The following SOX6 variants were observed in gnomAD, a reference collection of about 807,000 sequenced individuals.
SOX6 encodes transcription factor SOX-6.
Under a neutral mutation model 97.8 loss-of-function variants are expected in SOX6, and 11 were observed. The observed-to-expected ratio is 0.11, with a 90% CI of 0.07 to 0.19. SOX6 has a LOEUF of 0.19. SOX6 is among the 10% of genes least tolerant of loss of function. The pLI, the probability that SOX6 is intolerant of heterozygous loss-of-function variation, is 1.00. For missense variants in SOX6, 810 were observed against 1,039.5 expected (o/e 0.78, Z 3.04); for synonymous variants, 360 against 371.4 (o/e 0.97, Z 0.35).
At chr11:16,362,791 GTCTAC>G (rs1857242649) in intron 1 of SOX6, among the ~76,000 whole-genome samples, 1 of 152,092 alleles carries the variant, frequency 6.6e-6, no homozygotes, top group Non-Finnish European at 1.5e-5. Context: ...CAATAAGCAC[GTCTAC>G]TCTTTCTCAG....
chr11:16,533,925 T>C (rs1861272722), intron 4 of SOX6, among the ~76,000 whole-genome samples: 1 of 152,142 alleles, frequency 6.6e-6, no homozygotes. Flanking sequence ...TAACACTACA[T>C]CTGTTGAGCA....
At chr11:16,495,985 G>C (rs1212528885) in intron 4 of SOX6, among the ~76,000 whole-genome samples, 1 of 152,126 alleles carries the variant, frequency 6.6e-6, no homozygotes, top group African/African-American at 2.4e-5. Context: ...ACTGTTTACA[G>C]CCAAAGAAAT....
chr11:16,034,983 A>G (rs1855480016), intron 12 of SOX6, among the ~76,000 whole-genome samples: 1 of 152,224 alleles, frequency 6.6e-6, no homozygotes, highest in South Asian at 2.1e-4. Flanking sequence ...ATGGAAAAAC[A>G]GGCAAAATAA....
chr11:16,331,143 AG>A (rs746390130), intron 2 of SOX6, among the ~76,000 whole-genome samples: 16 of 152,108 alleles, frequency 1.1e-4, no homozygotes, highest in South Asian at 2.1e-4. Flanking sequence ...CCTCCTCTGC[AG>A]TTGTTTTCTT....
intron 6 of SOX6, among the ~76,000 whole-genome samples, chr11:16,130,891 G>T (rs1849723971): frequency 6.6e-6 from 1 of 151,816 alleles, no homozygotes; most frequent in Non-Finnish European, 1.5e-5. Context: ...CTTTAAAATA[G>T]GCTTTGCTAT....
In SOX6 at chr11:16,002,770, G is replaced by A. The variant is rs151051425; in HGVS notation, c.1732+12172C>T. On this transcript the variant is annotated intron_variant, in intron 13 of 15. Transcript: ENST00000683767. The stretch of plus-strand genomic sequence containing the variant: ...AAAAAGCTGGTAGACTGAATAATTC[G>A]TGTTATTCAGCAGCTTTTGGCTTTA... Among the ~76,000 whole-genome samples, 892 of 152,252 alleles carry A rather than the reference G, an allele frequency of 5.9e-3. 6 individuals are homozygous for A. The highest frequency in any genetic ancestry group is 0.013 in the South Asian group (61 of 4,828).
chr11:16,588,133 T>A (rs957625150), intron 4 of SOX6, among the ~76,000 whole-genome samples: 1 of 152,218 alleles, frequency 6.6e-6, no homozygotes, highest in South Asian at 2.1e-4. Context: ...CATGAATTCA[T>A]ATATTAAATT....
chr11:16,460,859 T>C (rs558178846), intron 1 of SOX6, among the ~76,000 whole-genome samples: 1 of 152,268 alleles, frequency 6.6e-6, no homozygotes, highest in South Asian at 2.1e-4. Flanking sequence ...CTCATACTCA[T>C]GGTAGCTAAG....
At position 16,632,370 on chromosome 11, in the gene SOX6, T is replaced by A. The variant is rs764731316; in HGVS notation, n.430-20110A>T. Among the ~76,000 whole-genome samples the A allele has an allele frequency of 2.6e-5, 4 of 152,238 alleles. No individual in the cohort carries two copies. The South Asian group carries it at 8.3e-4, about 32-fold the overall frequency. On this transcript the variant is annotated intron_variant and non_coding_transcript_variant, in intron 3 of 5. Transcript: ENST00000524520. ...CAGGTTTTGTATTGGACTGTGCAGTTTGACCTACAAGCCAGTAGATGGCAC... is the reference window on the plus strand; with the variant it reads ...CAGGTTTTGTATTGGACTGTGCAGTATGACCTACAAGCCAGTAGATGGCAC...
chr11:16,504,785 A>T (rs1277584681), intron 4 of SOX6, among the ~76,000 whole-genome samples: 1 of 151,630 alleles, frequency 6.6e-6, no homozygotes, highest in Non-Finnish European at 1.5e-5. Flanking sequence ...TTCTTGTAAT[A>T]GAGTTCTCCC....
intron 4 of SOX6, among the ~76,000 whole-genome samples, chr11:16,203,882 A>G (rs1028410351): frequency 5.9e-5 from 9 of 152,160 alleles, no homozygotes; most frequent in African/African-American, 2.2e-4. Flanking sequence ...CTCTACCAAG[A>G]TAAAAATACA....
At chr11:15,994,721 T>G (rs749894032) in intron 13 of SOX6, among the ~76,000 whole-genome samples, 5 of 152,266 alleles carry the variant, frequency 3.3e-5, no homozygotes, top group Admixed American at 6.5e-5. Context: ...TTTTGTCAGA[T>G]AGAATTAATG....
At chr11:16,145,390 T>G (rs1850264357) in intron 6 of SOX6, among the ~76,000 whole-genome samples, 1 of 152,080 alleles carries the variant, frequency 6.6e-6, no homozygotes, top group Non-Finnish European at 1.5e-5. Context: ...CCACAGCCAA[T>G]ATAATACTGA....
chr11:16,448,819 C>T (rs1039375606), intron 1 of SOX6, among the ~76,000 whole-genome samples: 2 of 152,074 alleles, frequency 1.3e-5, no homozygotes, highest in African/African-American at 2.4e-5. Flanking sequence ...ATCCCTTGAA[C>T]CCAGGGGTTC....
At chr11:16,211,130 G>A (rs1852215070) in intron 4 of SOX6, among the ~76,000 whole-genome samples, 1 of 152,000 alleles carries the variant, frequency 6.6e-6, no homozygotes, top group Non-Finnish European at 1.5e-5. Context: ...GCAAAGGGGA[G>A]ATTAATAGAA....
chr11:16,330,126 G>T (rs183811059), intron 2 of SOX6, among the ~76,000 whole-genome samples: 1 of 152,132 alleles, frequency 6.6e-6, no homozygotes, highest in African/African-American at 2.4e-5. Context: ...ACTCAGTACT[G>T]TCTGAACAAC....
At chr11:16,396,484 C>T (rs1858360513) in intron 1 of SOX6, among the ~76,000 whole-genome samples, 1 of 151,604 alleles carries the variant, frequency 6.6e-6, no homozygotes, top group Non-Finnish European at 1.5e-5. Context: ...TTTCTGTGCT[C>T]ATTTAAGCAT....
At chr11:16,711,051 T>C (rs753575218) in intron 3 of SOX6, among the ~76,000 whole-genome samples, 4 of 152,208 alleles carry the variant, frequency 2.6e-5, no homozygotes, top group African/African-American at 4.8e-5. Flanking sequence ...TTCTAAGATA[T>C]ATCTTGAATT....
intron 1 of SOX6, among the ~76,000 whole-genome samples, chr11:16,399,843 T>A (rs1289945336): frequency 1.3e-5 from 2 of 151,402 alleles, no homozygotes; most frequent in African/African-American, 4.8e-5. Flanking sequence ...TTATCCAACA[T>A]TGCCCTAAGA....
Sources: allele counts gnomAD v4.1 joint callset (sites outside exome capture counted in the v4.1 genomes callset), GRCh38; gene constraint gnomAD v4.1.1; transcripts MANE v1.5; gene names NCBI Gene and HGNC (gene_info 2026-07-23, HGNC 2026-07-21).